Variants in ADAMTSL1 observed in about 807,000 individuals in gnomAD.
The protein encoded by ADAMTSL1 is ADAMTS like 1.
A neutral mutation model predicts 201.8 loss-of-function variants in ADAMTSL1; 126 were observed. The observed-to-expected ratio is 0.62, with a 90% CI of 0.54 to 0.72. ADAMTSL1 has a LOEUF of 0.72. ADAMTSL1 is among the 30% of genes least tolerant of loss of function. ADAMTSL1 has a pLI of 0.00. For synonymous variants in ADAMTSL1, 1,121 were observed against 903.4 expected (o/e 1.24, Z -4.32); for missense variants, 2,679 against 2,277.8 (o/e 1.18, Z -3.59).
chr9:18,811,461 A>C (rs932593948), intron 20 of ADAMTSL1, among the ~76,000 whole-genome samples: 1 of 152,154 alleles, frequency 6.6e-6, no homozygotes, highest in Non-Finnish European at 1.5e-5. Flanking sequence ...AGTGGGGACT[A>C]TGTGGGGATC....
At chr9:18,184,510 T>G (rs1488381037) in intron 2 of ADAMTSL1, among the ~76,000 whole-genome samples, 1 of 152,242 alleles carries the variant, frequency 6.6e-6, no homozygotes, top group Non-Finnish European at 1.5e-5. Context: ...TTTTTGCTTT[T>G]TGGAGTGAGT....
intron 4 of ADAMTSL1, among the ~76,000 whole-genome samples, chr9:18,579,567 C>T (rs913882750): frequency 6.6e-6 from 1 of 152,020 alleles, no homozygotes; most frequent in African/African-American, 2.4e-5. Flanking sequence ...ATTAATTGTA[C>T]CCAAGTTATG....
Position 18,016,811 on chromosome 9 carries a change from C to T in ADAMTSL1, c.87+109889C>T, listed in dbSNP as rs116186893. Among the ~76,000 whole-genome samples the T allele has an allele frequency of 6.9e-3, 1,053 of 152,006 alleles. 13 individuals are homozygous for T. The highest frequency in any genetic ancestry group is 0.024 in the African/African-American group (1,011 of 41,500). ...AATATGGTCCCTGCGTTCAGGTGAC[C>T]AGTATTCTGCGTCATGTTTATGGTC... On this transcript the variant is annotated intron_variant, in intron 1 of 29. Transcript: ENST00000680146.
chr9:18,003,601 A>G (rs1245806650), intron 1 of ADAMTSL1, among the ~76,000 whole-genome samples: 1 of 152,084 alleles, frequency 6.6e-6, no homozygotes, highest in East Asian at 1.9e-4. Context: ...TTGATGATAA[A>G]AGTCTGACTT....
chr9:18,636,735 G>A (rs1053449244), intron 6 of ADAMTSL1, among the ~76,000 whole-genome samples: 1 of 152,148 alleles, frequency 6.6e-6, no homozygotes, highest in African/African-American at 2.4e-5. Context: ...ATTACAAGAA[G>A]AAAATTATAG....
chr9:18,162,186 C>A (rs536525182), intron 1 of ADAMTSL1, among the ~76,000 whole-genome samples: 1 of 152,138 alleles, frequency 6.6e-6, no homozygotes, highest in South Asian at 2.1e-4. Flanking sequence ...CCTTCTCATG[C>A]TTCCTACATG....
intron 4 of ADAMTSL1, among the ~76,000 whole-genome samples, chr9:18,599,638 TC>T (rs1824494598): frequency 6.6e-6 from 1 of 152,090 alleles, no homozygotes; most frequent in South Asian, 2.1e-4. Context: ...TTTAGTTTTC[TC>T]CCTGAGTTTC....
intron 2 of ADAMTSL1, among the ~76,000 whole-genome samples, chr9:18,399,280 CATATAT>C (rs561622408): frequency 0.069 from 2,114 of 30,802 alleles, 60 homozygotes; most frequent in Non-Finnish European, 0.082. Context: ...GTCTGCTTTA[CATATAT>C]ATATATATAT....
At chr9:18,405,635 GAA>G (rs71333041) in intron 2 of ADAMTSL1, among the ~76,000 whole-genome samples, 15 of 107,534 alleles carry the variant, frequency 1.4e-4, no homozygotes, top group African/African-American at 6.3e-5. Context: ...ACAGAAGAAT[GAA>G]AAAAAAAAAA....
At chr9:18,724,983 T>A (rs2133445446) in intron 15 of ADAMTSL1, among the ~76,000 whole-genome samples, 1 of 152,098 alleles carries the variant, frequency 6.6e-6, no homozygotes, top group African/African-American at 2.4e-5. Context: ...CTCAGCTCAC[T>A]GCAAGCTCCG....
chr9:18,472,802 G>C (rs1821269585), upstream of ADAMTSL1, among the ~76,000 whole-genome samples: 1 of 152,174 alleles, frequency 6.6e-6, no homozygotes, highest in African/African-American at 2.4e-5. Context: ...CAGGAGATCT[G>C]AAAAGGGAAA....
At chr9:17,981,464 T>C (rs992032907) in intron 1 of ADAMTSL1, among the ~76,000 whole-genome samples, 1 of 152,236 alleles carries the variant, frequency 6.6e-6, no homozygotes, top group Non-Finnish European at 1.5e-5. Flanking sequence ...GCTTTTTATT[T>C]GTGCTGGTTC....
At chr9:18,820,372 T>C (rs757563348) in intron 21 of ADAMTSL1, among the ~76,000 whole-genome samples, 16 of 152,178 alleles carry the variant, frequency 1.1e-4, no homozygotes, top group Non-Finnish European at 1.8e-4. Flanking sequence ...TGTTTTCTTA[T>C]TATAAAATAT....
intron 2 of ADAMTSL1, among the ~76,000 whole-genome samples, chr9:18,198,861 A>G (rs1445674487): frequency 6.9e-6 from 1 of 143,998 alleles, no homozygotes; most frequent in East Asian, 2.0e-4. Context: ...AACCAACCCA[A>G]ATGTCCAACA....
At chr9:18,892,769 T>TTTAATTCTTTGTGTAATTCTATGAACC (rs1829369690) in intron 26 of ADAMTSL1, among the ~76,000 whole-genome samples, 173 bp downstream of exon 26, 1 of 152,180 alleles carries the variant, frequency 6.6e-6, no homozygotes, top group Non-Finnish European at 1.5e-5. Flanking sequence ...GCAGCAGGCT[T>TTTAATTCTTTGTGTAATTCTATGAACC]TTAATTCTTT....
At chr9:18,743,406 C>G (rs535782711) in intron 15 of ADAMTSL1, among the ~76,000 whole-genome samples, 2 of 152,086 alleles carry the variant, frequency 1.3e-5, no homozygotes, top group Admixed American at 6.5e-5. Context: ...TTTTCAAGAG[C>G]TATTTATTAA....
At chr9:18,441,174 A>T (rs989123452) in intron 2 of ADAMTSL1, among the ~76,000 whole-genome samples, 4 of 143,818 alleles carry the variant, frequency 2.8e-5, no homozygotes, top group Non-Finnish European at 6.3e-5. Flanking sequence ...GAGTGGGGAG[A>T]GGAATGGGGT....
chr9:18,703,886 G>A (rs1044951323), intron 13 of ADAMTSL1, among the ~76,000 whole-genome samples: 22 of 151,508 alleles, frequency 1.5e-4, no homozygotes, highest in Non-Finnish European at 3.1e-4. Context: ...TTATATTATA[G>A]ACAAGCAGAG....
At chr9:18,812,448 C>G (rs1036634334) in intron 20 of ADAMTSL1, among the ~76,000 whole-genome samples, 2 of 152,116 alleles carry the variant, frequency 1.3e-5, no homozygotes, top group African/African-American at 2.4e-5. Context: ...CAAAATATAT[C>G]ACAGACTTAA....
Sources: allele counts gnomAD v4.1 joint callset (sites outside exome capture counted in the v4.1 genomes callset), GRCh38; gene constraint gnomAD v4.1.1; transcripts MANE v1.5; gene names NCBI Gene and HGNC (gene_info 2026-07-23, HGNC 2026-07-21).